The following POLE variants were observed in gnomAD, a reference collection of about 807,000 sequenced individuals.
POLE encodes DNA polymerase epsilon, catalytic subunit.
In POLE, 188 loss-of-function variants were observed where a neutral mutation model predicts 279.2. That is an observed-to-expected ratio of 0.67 (90% CI 0.60 to 0.76). The LOEUF (loss-of-function observed/expected upper bound fraction) is 0.76, where lower values mean the gene tolerates loss of function less well. Ranked by LOEUF, POLE falls within the 30% of genes least tolerant of loss-of-function variation. The pLI is 0.00. For synonymous variants in POLE, 1,214 were observed against 1,172.5 expected, an observed-to-expected ratio of 1.04 and a Z score of -0.72; for missense variants, 2,703 against 3,016.7, an observed-to-expected ratio of 0.90 and a Z score of 2.44.
Position 132,624,784 on chromosome 12 carries a change from G to A in POLE, c.6774C>T (p.Phe2258=), listed in dbSNP as rs1209347208. Residue 2258 remains phenylalanine, a synonymous_variant, in exon 49 of 49, where the codon TTC becomes TTT. Transcript: ENST00000320574. ...TGCCGTAGTGCTGGGCAATGTTCCGGAATATTCCGATCTGTTCCATGAAGA... is the reference window on the plus strand; with the variant it reads ...TGCCGTAGTGCTGGGCAATGTTCCGAAATATTCCGATCTGTTCCATGAAGA... ...TQVFMEQIGI[F]RNIAQHYGMS... is the part of the protein sequence containing the mutation. 6.2e-7 allele frequency: 1 copy of A among 1,613,226 alleles called. No homozygotes were observed. Among genetic ancestry groups the A allele is most frequent in the East Asian group, 2.2e-5 (1 of 44,886 alleles).
chr12:132,644,112 TC>T, intron 32 of POLE, 135 bp from the exon 33 acceptor site: 1 of 727,048 alleles, frequency 1.4e-6, no homozygotes, highest in Non-Finnish European at 2.3e-6. Flanking sequence ...CACGCCACAG[TC>T]CACCTCTCTC....
At chr12:132,629,835 C>T (rs1467003876) in intron 45 of POLE, among the ~76,000 whole-genome samples, 2 of 152,220 alleles carry the variant, frequency 1.3e-5, no homozygotes, top group Non-Finnish European at 2.9e-5. Flanking sequence ...TAGCTTTCAG[C>T]CTGTCTCGAC....
intron 16 of POLE, among the ~76,000 whole-genome samples, chr12:132,670,401 C>T (rs910533666): frequency 7.3e-5 from 11 of 151,460 alleles, no homozygotes; most frequent in South Asian, 6.3e-4. Flanking sequence ...CTCGCCACCA[C>T]GCCTGGGTAA....
chr12:132,640,786 G>C (rs995525937), intron 39 of POLE, among the ~76,000 whole-genome samples: 28 of 152,272 alleles, frequency 1.8e-4, no homozygotes, highest in African/African-American at 6.0e-4. Context: ...CTCCAGAGCG[G>C]CAGTTTGGGT....
At chr12:132,663,381 G>A (rs186773469) in intron 23 of POLE, among the ~76,000 whole-genome samples, 71 of 152,390 alleles carry the variant, frequency 4.7e-4, no homozygotes, top group African/African-American at 1.7e-3. Context: ...GTGTGAGAAC[G>A]TGGGGAGGGT....
At position 132,672,718 on chromosome 12, in the gene POLE, TGTCCGTC is replaced by T. The variant is rs1555228293; in HGVS notation, c.1588_1594del (p.Asp530ThrfsTer31). The T allele has an allele frequency of 6.2e-7, 1 of 1,614,130 alleles. No homozygotes were observed. The highest frequency in any genetic ancestry group is 1.1e-5 in the South Asian group (1 of 91,084). On this transcript the variant is annotated frameshift_variant, in exon 15 of 49. Coordinates refer to ENST00000320574, the MANE Select transcript of POLE (RefSeq NM_006231.4). LOFTEE classifies it high-confidence loss of function. The stretch of plus-strand genomic sequence containing the variant: ...GACGTAGGTCTCAGAGTCCAGCACG[TGTCCGTC>T]GTCCGTCAGCTTATTGAACTCCTGC...
intron 1 of POLE, among the ~76,000 whole-genome samples, chr12:132,685,828 T>A (rs1412873141): frequency 6.6e-6 from 1 of 152,208 alleles, no homozygotes; most frequent in Non-Finnish European, 1.5e-5. Flanking sequence ...GGAAGAATTT[T>A]GTTCAGCTAA....
chr12:132,684,014 C>T (rs887456843), intron 1 of POLE, among the ~76,000 whole-genome samples: 2 of 139,482 alleles, frequency 1.4e-5, no homozygotes, highest in African/African-American at 5.6e-5. Flanking sequence ...TCCACACAGG[C>T]TCTCATTCAC....
rs1593694136 is a variant in POLE at position 132,624,945 on chromosome 12, C to G, written c.6707G>C (p.Cys2236Ser). The G allele has an allele frequency of 6.2e-7, 1 of 1,614,090 alleles. No individual in the cohort carries two copies. Among genetic ancestry groups the G allele is most frequent in the Non-Finnish European group, 8.5e-7 (1 of 1,179,998 alleles). The part of the protein sequence containing the change: ...GVKETSMPVY[C>S]SCAGDFALTI... ...GAGGGCGAAGTCTCCCGCGCAGCTG[C>G]AGTACACAGGCATGCTGGTCTCCTT... The change falls in exon 48 of 49, where the codon TGC becomes TCC. Residue 2236 changes from cysteine to serine, a missense_variant. By Grantham distance (112) the Cys-to-Ser change is moderately radical. Around this residue, in one of 5 missense-constraint regions of POLE, gnomAD observed 1,551 missense variants for 1,686.1 expected, o/e 0.92. Transcript: ENST00000320574.
Position 132,659,203 on chromosome 12 carries a change from A to G in POLE, c.3275+92T>C, listed in dbSNP as rs5744867. 0.47 allele frequency: 615,989 copies of G among 1,312,338 alleles called. 148,197 individuals are homozygous for G. Among genetic ancestry groups the G allele is most frequent in the African/African-American group, 0.71 (48,297 of 68,366 alleles). 81.3% of individuals were successfully genotyped at this position (1,312,338 alleles called of 1,614,324 possible). A position where few individuals can be genotyped will look rare whatever the true frequency, so the allele number is the denominator to read the frequency against. ...GGGCAGCCCTCACCTCTCTGTGATGAGGGGAGCCCTCACCTCTCCGTGACG... is the reference window on the plus strand; with the variant it reads ...GGGCAGCCCTCACCTCTCTGTGATGGGGGGAGCCCTCACCTCTCCGTGACG... On this transcript the variant is annotated intron_variant, in intron 26 of 48. Transcript: ENST00000320574.
chr12:132,658,057 T>G (rs1445043728), intron 26 of POLE, 87 bp from the exon 27 acceptor site: 17 of 842,096 alleles, frequency 2.0e-5, no homozygotes, highest in Non-Finnish European at 3.3e-5. Context: ...AACATGGAAA[T>G]AAGGACGTGT....
intron 29 of POLE, chr12:132,651,100 T>A (rs1217883641): frequency 6.6e-6 from 1 of 152,148 alleles, no homozygotes; most frequent in Non-Finnish European, 1.5e-5. Context: ...GGTCTCGAAC[T>A]CCTGACCTCA....
rs577268815 is a variant in POLE, at chr12:132,635,827, C to A, written c.5811+65G>T. ...GCCCGCCGGGGCCCTGAGCACTCAGCACTTGCTGCAGGAATGAACGCGACC... is the reference window on the plus strand; with the variant it reads ...GCCCGCCGGGGCCCTGAGCACTCAGAACTTGCTGCAGGAATGAACGCGACC... On this transcript the variant is annotated intron_variant, in intron 42 of 48. Coordinates refer to ENST00000320574, the MANE Select transcript of POLE (RefSeq NM_006231.4). 8.4e-6 allele frequency: 13 copies of A among 1,550,350 alleles called. No homozygotes were observed. In the South Asian group the frequency reaches 1.5e-4, roughly 17 times the overall value.
At chr12:132,679,435 T>A in intron 6 of POLE, 62 bp downstream of exon 6, 2 of 1,513,460 alleles carry the variant, frequency 1.3e-6, no homozygotes, top group South Asian at 2.5e-5. Context: ...TACGTGTTCC[T>A]GTCTCCTATC....
rs768997534 is a variant in POLE at position 132,679,559 on chromosome 12, A to T, written c.516T>A (p.Pro172=). Residue 172 remains proline, a synonymous_variant, in exon 6 of 49, where the codon CCT becomes CCA. Coordinates refer to ENST00000320574, the MANE Select transcript of POLE (RefSeq NM_006231.4). ...DLVKVRKEIS[P]AVKKNREQDH... ...CCTGCTCCCTGTTCTTCTTCACGGC[A>T]GGGGAGATCTCCTTCCTCACTTTGA... 1 of 1,613,988 alleles carries T rather than the reference A, an allele frequency of 6.2e-7. No individual in the cohort carries two copies. Among genetic ancestry groups the T allele is most frequent in the Admixed American group, 1.7e-5 (1 of 60,000 alleles).
chr12:132,659,254 G>C (rs764820964), intron 26 of POLE, 41 bp downstream of exon 26: 1 of 1,589,654 alleles, frequency 6.3e-7, no homozygotes, highest in Non-Finnish European at 8.6e-7. Context: ...TGTCCGTGAT[G>C]GGAGGAGCCC....
rs1341390450 is a variant in POLE at position 132,648,804 on chromosome 12, T to A, written c.4149+125A>T. 38 of 1,068,400 alleles carry A rather than the reference T, an allele frequency of 3.6e-5. No individual in the cohort carries two copies. The East Asian group carries it at 9.1e-4, about 25-fold the overall frequency. 66.2% of individuals were successfully genotyped at this position (1,068,400 alleles called of 1,614,324 possible). On this transcript the variant is annotated intron_variant, in intron 32 of 48. Transcript: ENST00000320574. ...TGCTCAGCGCTCACACACGTTGTTT[T>A]GAGGAATTCCTAGAACATCCCCATA...
intron 32 of POLE, 109 bp from the exon 33 acceptor site, chr12:132,644,086 G>T: frequency 1.8e-6 from 2 of 1,124,116 alleles, no homozygotes; most frequent in Non-Finnish European, 2.6e-6. Flanking sequence ...TGCCCCTAGC[G>T]ACGGGGTACA....
rs754348616 is a variant in POLE, at chr12:132,657,226, G to A, written c.3492C>T (p.Pro1164=). Reference sequence around the variant, plus strand: ...CCAGCAGTTTTTTGTGCAGCCAGTCGGGGTGTTTGACACGTGGCACTGGGT... The same window carrying A: ...CCAGCAGTTTTTTGTGCAGCCAGTCAGGGTGTTTGACACGTGGCACTGGGT... ...VKNPVPRVKH[P]DWLHKKLLEK... Residue 1164 remains proline (P), a synonymous_variant, in exon 29 of 49, where the codon CCC becomes CCT. Coordinates refer to ENST00000320574, the MANE Select transcript of POLE (RefSeq NM_006231.4). The A allele has an allele frequency of 1.4e-5, 22 of 1,613,766 alleles. No individual in the cohort carries two copies. Among genetic ancestry groups the A allele is most frequent in the East Asian group, 2.2e-5 (1 of 44,886 alleles).
Sources: allele counts gnomAD v4.1 joint callset (sites outside exome capture counted in the v4.1 genomes callset), GRCh38; gene constraint gnomAD v4.1.1; regional missense constraint gnomAD v4.1.1; transcripts MANE v1.5; gene names NCBI Gene and HGNC (gene_info 2026-07-23, HGNC 2026-07-21).